Variants in NEGR1 observed in about 807,000 individuals in gnomAD.
NEGR1 encodes the protein IgLON family member 4.
In NEGR1, 10 loss-of-function variants were observed where a neutral mutation model predicts 40.9. That is an observed-to-expected ratio of 0.24 (90% CI 0.15 to 0.42). NEGR1 has a LOEUF of 0.42. Ranked by LOEUF, NEGR1 falls within the 10% of genes least tolerant of loss-of-function variation. The pLI is 1.00. For missense variants in NEGR1, 352 were observed against 438.9 expected (o/e 0.80, Z 1.77); for synonymous variants, 185 against 166.8 (o/e 1.11, Z -0.84).
intron 6 of NEGR1, among the ~76,000 whole-genome samples, chr1:71,580,463 T>A (rs894937885): frequency 1.3e-5 from 2 of 151,318 alleles, no homozygotes; most frequent in Non-Finnish European, 2.9e-5. Context: ...ATAATAATAA[T>A]AATAAAAATA....
chr1:71,928,029 C>T (rs577814079), intron 2 of NEGR1, among the ~76,000 whole-genome samples: 24 of 109,288 alleles, frequency 2.2e-4, no homozygotes, highest in Non-Finnish European at 2.0e-4. Context: ...TAAATAAATA[C>T]ACACACACAC....
chr1:71,661,074 C>A lies in NEGR1; in HGVS notation c.667+36934G>T, dbSNP rs576463594. ...CCTAGTATTCCATGGTGTGTATGTG[C>A]CACATTTTCTTTATCCAGTCTAACA... On this transcript the variant is annotated intron_variant, in intron 4 of 6. Coordinates refer to ENST00000357731, the MANE Select transcript of NEGR1 (RefSeq NM_173808.3). Among the ~76,000 whole-genome samples, 9 of 152,294 alleles carry A rather than the reference C, an allele frequency of 5.9e-5. No individual in the cohort carries two copies. The East Asian group carries it at 1.5e-3, about 26-fold the overall frequency.
intron 2 of NEGR1, among the ~76,000 whole-genome samples, chr1:71,808,960 G>A (rs1344082141): frequency 6.6e-6 from 1 of 152,116 alleles, no homozygotes; most frequent in Non-Finnish European, 1.5e-5. Flanking sequence ...AACCTAATAG[G>A]AGTGTGTGTA....
chr1:71,578,262 T>C (rs1649024258), intron 6 of NEGR1, among the ~76,000 whole-genome samples: 1 of 152,084 alleles, frequency 6.6e-6, no homozygotes, highest in Non-Finnish European at 1.5e-5. Flanking sequence ...ATGTAAGTTA[T>C]TAGAAATGAA....
At chr1:72,119,351 T>C (rs551357160) in intron 1 of NEGR1, among the ~76,000 whole-genome samples, 1 of 152,062 alleles carries the variant, frequency 6.6e-6, no homozygotes, top group South Asian at 2.1e-4. Context: ...ACACTGCTTT[T>C]TCTTTTGTTT....
chr1:71,926,878 T>C (rs1645778970), intron 2 of NEGR1, among the ~76,000 whole-genome samples: 1 of 152,176 alleles, frequency 6.6e-6, no homozygotes, highest in Non-Finnish European at 1.5e-5. Flanking sequence ...ATGATCTATA[T>C]ATTTACATAG....
chr1:71,965,936 T>C (rs1646206274), intron 1 of NEGR1, among the ~76,000 whole-genome samples: 2 of 152,284 alleles, frequency 1.3e-5, no homozygotes, highest in South Asian at 2.1e-4. Flanking sequence ...CCCAAACTTG[T>C]GGAGTGTGCC....
rs57618301 is a variant in NEGR1 at position 72,110,221 on chromosome 1, T to TAAAA, written c.176+172094_176+172097dup. On this transcript the variant is annotated intron_variant, in intron 1 of 6. Transcript: ENST00000357731. The stretch of plus-strand genomic sequence containing the variant: ...ATGTACCCTAAAACTTAGAGTATAA[T>TAAAA]AAAAAAAAAAAAAAAAAAAAAGAAT... Among the ~76,000 whole-genome samples, 977 of 106,600 alleles carry TAAAA rather than the reference T, an allele frequency of 9.2e-3. 19 individuals carry two copies. Among genetic ancestry groups the TAAAA allele is most frequent in the African/African-American group, 0.027 (821 of 30,032 alleles). 69.9% of individuals were successfully genotyped at this position (106,600 alleles called of 152,430 possible).
rs534698735 is a variant in NEGR1 at position 71,404,090 on chromosome 1, A to T, written c.*3356T>A. 35 of 254,660 alleles carry T rather than the reference A, an allele frequency of 1.4e-4. No individual in the cohort carries two copies. The highest frequency in any genetic ancestry group is 7.7e-4 in the African/African-American group (35 of 45,526). 15.8% of individuals were successfully genotyped at this position (254,660 alleles called of 1,614,324 possible). A position where few individuals can be genotyped will look rare whatever the true frequency, so the allele number is the denominator to read the frequency against. On this transcript the variant is annotated 3_prime_UTR_variant, in exon 7 of 7. Transcript: ENST00000357731. ...ATTGTTCAGTAAATTTGATCATTAT[A>T]GATGATTGACTTTGATAATTCAGTT...
At chr1:71,861,013 AGTTAC>A (rs1659929936) in intron 2 of NEGR1, among the ~76,000 whole-genome samples, 1 of 152,228 alleles carries the variant, frequency 6.6e-6, no homozygotes, top group African/African-American at 2.4e-5. Context: ...AAAGCTAAGA[AGTTAC>A]TCTCTTTTAA....
intron 6 of NEGR1, among the ~76,000 whole-genome samples, chr1:71,586,384 T>C (rs1168259602): frequency 2.6e-5 from 4 of 152,166 alleles, no homozygotes; most frequent in Non-Finnish European, 5.9e-5. Flanking sequence ...ATAAGATTTG[T>C]CTCCAACTTA....
At chr1:71,864,302 A>T (rs998014506) in intron 2 of NEGR1, among the ~76,000 whole-genome samples, 4 of 152,258 alleles carry the variant, frequency 2.6e-5, no homozygotes, top group African/African-American at 9.6e-5. Context: ...TGAACCCTGT[A>T]AGGAAGGTTT....
At chr1:71,568,838 G>GTGTT (rs1648714874) in intron 6 of NEGR1, among the ~76,000 whole-genome samples, 2 of 149,138 alleles carry the variant, frequency 1.3e-5, no homozygotes, top group African/African-American at 5.0e-5. Context: ...ACGTGTGTGT[G>GTGTT]TGTGTGTGTG....
intron 1 of NEGR1, among the ~76,000 whole-genome samples, chr1:72,064,090 T>A (rs1647220157): frequency 6.6e-6 from 1 of 152,008 alleles, no homozygotes. Context: ...AAAACTTTCT[T>A]CTTGCATTTG....
intron 1 of NEGR1, among the ~76,000 whole-genome samples, chr1:72,138,939 C>T (rs1264673318): frequency 6.6e-6 from 1 of 151,826 alleles, no homozygotes; most frequent in African/African-American, 2.4e-5. Flanking sequence ...AAAGATACAC[C>T]ATATTCTGGG....
intron 1 of NEGR1, among the ~76,000 whole-genome samples, chr1:71,950,366 T>C (rs1189695113): frequency 1.3e-5 from 2 of 152,034 alleles, no homozygotes; most frequent in Non-Finnish European, 2.9e-5. Context: ...ATGGGAATTA[T>C]AAATTAGAGA....
chr1:71,956,268 T>C (rs935273214), intron 1 of NEGR1, among the ~76,000 whole-genome samples: 9 of 152,186 alleles, frequency 5.9e-5, no homozygotes, highest in African/African-American at 2.2e-4. Context: ...AAATGCTCAG[T>C]GATTACTGGT....
At chr1:72,260,884 C>A (rs563966484) in intron 1 of NEGR1, among the ~76,000 whole-genome samples, 1 of 151,898 alleles carries the variant, frequency 6.6e-6, no homozygotes, top group South Asian at 2.1e-4. Flanking sequence ...AGTCTAGGAG[C>A]AAAATATAAA....
chr1:71,857,331 G>T (rs1035851327), intron 2 of NEGR1, among the ~76,000 whole-genome samples: 1 of 151,398 alleles, frequency 6.6e-6, no homozygotes, highest in African/African-American at 2.4e-5. Context: ...CCACAAACAG[G>T]CCAGGCACTG....
Sources: gnomAD v4.1 joint callset for allele counts (sites outside exome capture counted in the v4.1 genomes callset) on GRCh38, gnomAD v4.1.1 for gene constraint, MANE v1.5 for transcripts, NCBI Gene and HGNC (gene_info 2026-07-23, HGNC 2026-07-21) for gene names.